ADGRV1: variants seen among roughly 807,000 people sequenced by gnomAD.
The protein encoded by ADGRV1 is adhesion G protein-coupled receptor V1, also known as G-protein coupled receptor 98.
ADGRV1 carries 359 observed loss-of-function variants against 596.2 expected under a neutral mutation model. That is an observed-to-expected ratio of 0.60 (90% confidence interval 0.55 to 0.66). The LOEUF is 0.66. ADGRV1 is among the 30% of genes least tolerant of loss of function. ADGRV1 has a pLI of 0.00. For missense variants in ADGRV1, 7,274 were observed against 7,575.6 expected, an observed-to-expected ratio of 0.96 and a Z score of 1.48; for synonymous variants, 2,681 against 2,679.2, an observed-to-expected ratio of 1.00 and a Z score of -0.02.
At chr5:90,665,579 A>G (rs1162916729) in intron 21 of ADGRV1, among the ~76,000 whole-genome samples, 2 of 150,412 alleles carry the variant, frequency 1.3e-5, no homozygotes, top group Non-Finnish European at 3.0e-5. Flanking sequence ...TGGATTCATT[A>G]ATTTTTTGAA....
chr5:90,932,011 G>T (rs957585195), intron 83 of ADGRV1, among the ~76,000 whole-genome samples: 1 of 152,120 alleles, frequency 6.6e-6, no homozygotes, highest in Non-Finnish European at 1.5e-5. Context: ...TACTCACTTT[G>T]TTTTATTTTC....
At chr5:90,846,342 A>T (rs1181238623) in intron 78 of ADGRV1, 1 of 152,346 alleles carries the variant, frequency 6.6e-6, no homozygotes, top group Non-Finnish European at 1.5e-5. Context: ...ATAGTGTAAG[A>T]ATCATAGAGA....
chr5:90,602,181 T>A (rs1761488815), intron 1 of ADGRV1, among the ~76,000 whole-genome samples: 2 of 152,208 alleles, frequency 1.3e-5, no homozygotes, highest in Non-Finnish European at 2.9e-5. Flanking sequence ...TTCTGCAGAT[T>A]TACAATACAA....
At chr5:91,031,082 A>G in intron 85 of ADGRV1, 6 of 1,442,790 alleles carry the variant, frequency 4.2e-6, no homozygotes, top group Non-Finnish European at 5.8e-6. Context: ...GGGATGATAC[A>G]GTAGCTCAGT....
intron 78 of ADGRV1, among the ~76,000 whole-genome samples, chr5:90,844,169 T>G (rs1024228122): frequency 2.0e-5 from 3 of 152,210 alleles, no homozygotes; most frequent in African/African-American, 4.8e-5. Context: ...CATATGAAAT[T>G]ATATACACTC....
rs762020486 is a variant in ADGRV1 at position 90,716,732 on chromosome 5, A to T, written c.9447+3A>T. On this transcript the variant is annotated splice_donor_region_variant and intron_variant, in intron 43 of 89. Transcript: ENST00000405460. Reference sequence around the variant, plus strand: ...TAGAAGAAGGTGTTCGATTCAAGGTACAGTAAGAAGCTTTAATGAGAATGG... The same window carrying T: ...TAGAAGAAGGTGTTCGATTCAAGGTTCAGTAAGAAGCTTTAATGAGAATGG... 1.9e-6 allele frequency: 3 copies of T among 1,606,662 alleles called. No individual in the cohort carries two copies. The highest frequency in any genetic ancestry group is 1.7e-6 in the Non-Finnish European group (2 of 1,174,394).
In ADGRV1 at chr5:90,743,853, C is replaced by G. The variant is rs1035795303; in HGVS notation, c.10550-1193C>G. Among the ~76,000 whole-genome samples, 10 of 152,114 alleles carry G rather than the reference C, an allele frequency of 6.6e-5. No homozygotes were observed. In the East Asian group the frequency reaches 1.5e-3, roughly 24 times the overall value. ...TTTTCTATGATTTCTCATTTTTTCT[C>G]CCAGTTTTATTTAAGTCTGGAAATT... On this transcript the variant is annotated intron_variant, in intron 50 of 89. Coordinates refer to ENST00000405460, the MANE Select transcript of ADGRV1 (RefSeq NM_032119.4).
chr5:90,759,664 A>G (rs1756248816), intron 58 of ADGRV1, 76 bp downstream of exon 58: 1 of 1,397,318 alleles, frequency 7.2e-7, no homozygotes, highest in Non-Finnish European at 9.9e-7. Flanking sequence ...AGTGTCTCAC[A>G]TTTTTGTTTT....
intron 87 of ADGRV1, among the ~76,000 whole-genome samples, chr5:91,123,327 A>G (rs1793484008): frequency 6.6e-6 from 1 of 152,214 alleles, no homozygotes; most frequent in South Asian, 2.1e-4. Context: ...ATAGAAACTT[A>G]TAGCTCATAG....
chr5:90,909,693 G>A (rs74881434), intron 83 of ADGRV1, among the ~76,000 whole-genome samples: 2,570 of 152,222 alleles, frequency 0.017, 82 homozygotes, highest in African/African-American at 0.058. Context: ...AAGAAAGGTT[G>A]AAGTTTATAT....
intron 83 of ADGRV1, among the ~76,000 whole-genome samples, chr5:90,904,809 C>T (rs1772166174): frequency 6.6e-6 from 1 of 152,108 alleles, no homozygotes; most frequent in Non-Finnish European, 1.5e-5. Flanking sequence ...AAAATTTTGC[C>T]TAGACCAATG....
intron 2 of ADGRV1, 105 bp from the exon 3 acceptor site, chr5:90,617,699 T>C: frequency 1.1e-6 from 1 of 936,178 alleles, no homozygotes; most frequent in Non-Finnish European, 1.6e-6. Flanking sequence ...TAAACATAAA[T>C]GTCACTTGAT....
Position 90,755,119 on chromosome 5 carries a change from G to T in ADGRV1, c.11514G>T (p.Leu3838Phe). 1 of 1,611,302 alleles carries T rather than the reference G, an allele frequency of 6.2e-7. No homozygotes were observed. Among genetic ancestry groups the T allele is most frequent in the South Asian group, 1.1e-5 (1 of 90,884 alleles). Residue 3838 changes from leucine (L) to phenylalanine (F), a missense_variant, in exon 55 of 90, where the codon TTG becomes TTT. Leu to Phe is a conservative substitution (Grantham distance 22). Coordinates refer to ENST00000405460, the MANE Select transcript of ADGRV1 (RefSeq NM_032119.4). The part of the protein sequence containing the change: ...NQATENEDYV[L>F]QETIIIMKEN... Reference sequence around the variant, plus strand: ...CTACTGAGAATGAAGATTATGTATTGCAAGAAACAATAATAATAATGAAAG... The same window carrying T: ...CTACTGAGAATGAAGATTATGTATTTCAAGAAACAATAATAATAATGAAAG...
intron 85 of ADGRV1, among the ~76,000 whole-genome samples, chr5:91,022,518 G>A (rs1783725086): frequency 6.6e-6 from 1 of 152,042 alleles, no homozygotes; most frequent in African/African-American, 2.4e-5. Flanking sequence ...CCTACTCCCT[G>A]TGCTTTAAGG....
intron 87 of ADGRV1, among the ~76,000 whole-genome samples, chr5:91,146,249 A>G (rs1795524883): frequency 6.6e-6 from 1 of 152,232 alleles, no homozygotes. Flanking sequence ...AATTTAACAT[A>G]TTTTATTGGC....
intron 85 of ADGRV1, among the ~76,000 whole-genome samples, 200 bp downstream of exon 85, chr5:90,985,722 A>G (rs551697107): frequency 6.6e-6 from 1 of 152,298 alleles, no homozygotes; most frequent in African/African-American, 2.4e-5. Flanking sequence ...AGTTTTCTCA[A>G]GTGAGTTGGT....
intron 85 of ADGRV1, among the ~76,000 whole-genome samples, chr5:91,042,846 G>A (rs76739158): frequency 0.016 from 2,424 of 152,178 alleles, 51 homozygotes; most frequent in African/African-American, 0.054. Flanking sequence ...CTCCATGACA[G>A]TTTCACATGT....
At chr5:90,924,878 A>G (rs1774261854) in intron 83 of ADGRV1, among the ~76,000 whole-genome samples, 1 of 151,890 alleles carries the variant, frequency 6.6e-6, no homozygotes, top group South Asian at 2.1e-4. Flanking sequence ...AGCACCATTT[A>G]TTAAATAGGG....
chr5:90,878,616 A>G (rs576873380), intron 83 of ADGRV1, among the ~76,000 whole-genome samples: 1 of 152,330 alleles, frequency 6.6e-6, no homozygotes, highest in South Asian at 2.1e-4. Context: ...TCAAAGATGT[A>G]CTTCTAAAAA....
Sources: allele counts gnomAD v4.1 joint callset (sites outside exome capture counted in the v4.1 genomes callset), GRCh38; gene constraint gnomAD v4.1.1; transcripts MANE v1.5; gene names NCBI Gene and HGNC (gene_info 2026-07-23, HGNC 2026-07-21).